Variants in MTHFD2L observed in about 807,000 individuals in gnomAD.
MTHFD2L encodes the protein bifunctional methylenetetrahydrofolate dehydrogenase/cyclohydrolase 2, mitochondrial.
Under a neutral mutation model 34.9 loss-of-function variants are expected in MTHFD2L, and 29 were observed. The ratio of observed to expected loss-of-function variants is 0.83; its 90% CI spans 0.62 to 1.13. The LOEUF (loss-of-function observed/expected upper bound fraction) is 1.13. Ranked by LOEUF, MTHFD2L falls within the 50% of genes most tolerant of loss-of-function variation. The probability of loss-of-function intolerance (pLI) is 0.00; values close to 1 mark genes in which losing one functional copy is unlikely to be tolerated. For synonymous variants in MTHFD2L, 167 were observed against 155.7 expected (o/e 1.07, Z -0.54); for missense variants, 481 against 446.5 (o/e 1.08, Z -0.70).
At chr4:74,119,340 CTCAA>C (rs1202120720), upstream of MTHFD2L, among the ~76,000 whole-genome samples, 1 of 152,162 alleles carries the variant, frequency 6.6e-6, no homozygotes, top group Non-Finnish European at 1.5e-5. Context: ...GCACACTTGT[CTCAA>C]TCAGTTTTGG....
At chr4:74,293,208 C>G (rs1054407973) in intron 7 of MTHFD2L, among the ~76,000 whole-genome samples, 1 of 152,004 alleles carries the variant, frequency 6.6e-6, no homozygotes, top group Non-Finnish European at 1.5e-5. Context: ...CCTCCACCCC[C>G]GACAGGCCCC....
In MTHFD2L at chr4:74,171,594, G is replaced by C. The variant is rs1178738770; in HGVS notation, c.144-2912G>C. 3.9e-5 allele frequency among the ~76,000 whole-genome samples: 6 copies of C among 152,138 alleles called. 1 individual carries two copies. Among genetic ancestry groups the C allele is most frequent in the Admixed American group, 3.9e-4 (6 of 15,272 alleles). On this transcript the variant is annotated intron_variant, in intron 1 of 7. Coordinates refer to ENST00000325278, the MANE Select transcript of MTHFD2L (RefSeq NM_001144978.3). ...AAGAGGGGCAGATCACTTGCAGCCA[G>C]GAGTTCGAGACCAGCCTGGCCAACA...
chr4:74,117,011 T>C (rs1025660035), intron 2 of MTHFD2L, among the ~76,000 whole-genome samples: 2 of 152,254 alleles, frequency 1.3e-5, no homozygotes, highest in Non-Finnish European at 2.9e-5. Context: ...GTGGGAAATG[T>C]TTGGCAATAG....
At chr4:74,231,045 A>T (rs559307912) in intron 6 of MTHFD2L, among the ~76,000 whole-genome samples, 1 of 152,306 alleles carries the variant, frequency 6.6e-6, no homozygotes, top group East Asian at 1.9e-4. Context: ...CCACTAAGCC[A>T]TCCCTTCCAG....
intron 6 of MTHFD2L, among the ~76,000 whole-genome samples, chr4:74,243,443 T>C (rs1361260896): frequency 6.6e-6 from 1 of 152,166 alleles, no homozygotes; most frequent in Non-Finnish European, 1.5e-5. Context: ...TTTGACCTAT[T>C]TGAGGCAAAG....
intron 6 of MTHFD2L, among the ~76,000 whole-genome samples, chr4:74,247,506 C>G (rs1327998967): frequency 6.6e-6 from 1 of 152,110 alleles, no homozygotes; most frequent in East Asian, 1.9e-4. Context: ...GCCAGAACTT[C>G]CAACACTATG....
chr4:74,203,488 T>A (rs1019995821), intron 5 of MTHFD2L, among the ~76,000 whole-genome samples: 4 of 152,212 alleles, frequency 2.6e-5, no homozygotes, highest in African/African-American at 9.6e-5. Flanking sequence ...CTTAATTTGC[T>A]CACGGTTCTG....
In MTHFD2L at chr4:74,254,695, C is replaced by T. The variant is rs190241331; in HGVS notation, c.806-26730C>T. ...TGAAAGTATACTAAGAACATAAAAA[C>T]AGGTATAAAACTCATTGTGAAGGTA... On this transcript the variant is annotated intron_variant, in intron 6 of 7. Coordinates refer to ENST00000325278, the MANE Select transcript of MTHFD2L (RefSeq NM_001144978.3). Among the ~76,000 whole-genome samples, 793 of 151,234 alleles carry T rather than the reference C, an allele frequency of 5.2e-3. 1 individual carries two copies. Among genetic ancestry groups the T allele is most frequent in the Non-Finnish European group, 8.6e-3 (582 of 67,858 alleles).
intron 6 of MTHFD2L, among the ~76,000 whole-genome samples, chr4:74,248,325 T>G (rs1292872233): frequency 1.3e-5 from 2 of 152,248 alleles, no homozygotes; most frequent in African/African-American, 4.8e-5. Flanking sequence ...TCAGTGGTGA[T>G]ATCCCCTGTA....
intron 3 of MTHFD2L, among the ~76,000 whole-genome samples, chr4:74,179,781 A>G (rs536451494): frequency 6.6e-6 from 1 of 152,258 alleles, no homozygotes; most frequent in Admixed American, 6.6e-5. Context: ...TCATTCATCA[A>G]TCTTTAACAT....
intron 6 of MTHFD2L, among the ~76,000 whole-genome samples, chr4:74,228,893 G>T (rs1025056354): frequency 6.6e-6 from 1 of 152,178 alleles, no homozygotes; most frequent in Non-Finnish European, 1.5e-5. Flanking sequence ...CTTACCACCA[G>T]AGGGCGCCAG....
At chr4:74,190,638 C>T (rs1388358606) in intron 3 of MTHFD2L, 1 of 442,518 alleles carries the variant, frequency 2.3e-6, no homozygotes, top group Non-Finnish European at 3.0e-6. Flanking sequence ...GTTGAAACAA[C>T]TCTTAAATAA....
intron 6 of MTHFD2L, among the ~76,000 whole-genome samples, chr4:74,244,532 A>G (rs995209582): frequency 7.9e-5 from 12 of 152,188 alleles, no homozygotes; most frequent in African/African-American, 2.7e-4. Context: ...TTTTCTCATG[A>G]GATCAATAGT....
At chr4:74,275,985 C>G (rs898217041) in intron 6 of MTHFD2L, among the ~76,000 whole-genome samples, 14 of 152,080 alleles carry the variant, frequency 9.2e-5, no homozygotes, top group African/African-American at 3.4e-4. Context: ...GCTTTTGTTG[C>G]AATTGCTTTT....
chr4:74,263,899 AAC>A (rs1744984958), intron 6 of MTHFD2L, among the ~76,000 whole-genome samples: 1 of 152,074 alleles, frequency 6.6e-6, no homozygotes, highest in African/African-American at 2.4e-5. Context: ...AGATTAGTCT[AAC>A]CTTTGAAAAT....
rs3733457 is a variant in MTHFD2L, at chr4:74,281,271, C to G, written c.806-154C>G. ...GCCTTAATCATCTTTGTTATTCTCT[C>G]GGATCAGAAATCATCAATGGCCTGT... On this transcript the variant is annotated intron_variant, in intron 6 of 7. Transcript: ENST00000325278. 7.8e-4 allele frequency among the ~76,000 whole-genome samples: 119 copies of G among 151,824 alleles called. 1 individual carries two copies. The East Asian group carries it at 0.015, about 19-fold the overall frequency.
chr4:74,173,498 C>T (rs773195779), intron 1 of MTHFD2L, among the ~76,000 whole-genome samples: 2 of 152,220 alleles, frequency 1.3e-5, no homozygotes, highest in Non-Finnish European at 1.5e-5. Context: ...GCAAGACTCA[C>T]AGCTGTTGTC....
chr4:74,288,719 T>C (rs1356820720), intron 7 of MTHFD2L, among the ~76,000 whole-genome samples: 2 of 152,142 alleles, frequency 1.3e-5, no homozygotes, highest in African/African-American at 4.8e-5. Context: ...AAGACATATC[T>C]TGGCTCAGAT....
At position 74,215,402 on chromosome 4, in the gene MTHFD2L, T is replaced by C. The variant is rs377627201; in HGVS notation, c.713-9900T>C. 5.9e-5 allele frequency among the ~76,000 whole-genome samples: 9 copies of C among 151,766 alleles called. No individual in the cohort carries two copies. In the East Asian group the frequency reaches 1.7e-3, roughly 29 times the overall value. On this transcript the variant is annotated intron_variant, in intron 5 of 7. Coordinates refer to ENST00000325278, the MANE Select transcript of MTHFD2L (RefSeq NM_001144978.3). ...AGCGTAGTATCTGGGCTGGAATGCA[T>C]CGTCCCTCACATCACAGTTTCTCAC...
Sources: gnomAD v4.1 joint callset for allele counts (sites outside exome capture counted in the v4.1 genomes callset) on GRCh38, gnomAD v4.1.1 for gene constraint, MANE v1.5 for transcripts, NCBI Gene and HGNC (gene_info 2026-07-23, HGNC 2026-07-21) for gene names.